ANKS1B: variants seen among roughly 807,000 people sequenced by gnomAD.
ANKS1B encodes the protein ankyrin repeat and sterile alpha motif domain-containing protein 1B.
In ANKS1B, 36 loss-of-function variants were observed where a neutral mutation model predicts 148.3. That is an observed-to-expected ratio of 0.24 (90% CI 0.19 to 0.32). The LOEUF is 0.32. Among genes scored for constraint, ANKS1B ranks in the 10% least tolerant of loss-of-function variants. ANKS1B has a pLI of 1.00. For missense variants in ANKS1B, 1,157 were observed against 1,542.6 expected, an observed-to-expected ratio of 0.75 and a Z score of 4.19; for synonymous variants, 542 against 560.8, an observed-to-expected ratio of 0.97 and a Z score of 0.47.
intron 10 of ANKS1B, among the ~76,000 whole-genome samples, chr12:99,473,817 G>A (rs564997031): frequency 6.6e-6 from 1 of 152,060 alleles, no homozygotes; most frequent in Non-Finnish European, 1.5e-5. Context: ...TTCTCAGTAT[G>A]TGCATTATAA....
intron 1 of ANKS1B, among the ~76,000 whole-genome samples, chr12:99,980,646 G>A (rs1302098893): frequency 6.6e-6 from 1 of 152,020 alleles, no homozygotes; most frequent in East Asian, 1.9e-4. Context: ...GAAAGAGAGA[G>A]TAGAGAAAAG....
intron 10 of ANKS1B, among the ~76,000 whole-genome samples, chr12:99,501,282 T>C (rs1276031463): frequency 6.6e-6 from 1 of 152,172 alleles, no homozygotes; most frequent in African/African-American, 2.4e-5. Flanking sequence ...TGGGTTTTCT[T>C]TCCCTATAGG....
At chr12:99,390,263 T>C (rs933722307) in intron 12 of ANKS1B, among the ~76,000 whole-genome samples, 7 of 152,240 alleles carry the variant, frequency 4.6e-5, no homozygotes, top group African/African-American at 1.7e-4. Flanking sequence ...GAACTTGATA[T>C]ATTTCCATCT....
At chr12:99,818,587 A>C (rs1354859566) in intron 2 of ANKS1B, among the ~76,000 whole-genome samples, 2 of 151,848 alleles carry the variant, frequency 1.3e-5, no homozygotes. Context: ...GCATTTGACA[A>C]ATAACAAATA....
rs545595038 is a variant in ANKS1B, at chr12:99,961,957, G to C, written c.134+22147C>G. On this transcript the variant is annotated intron_variant, in intron 1 of 26. Coordinates refer to ENST00000683438, the MANE Select transcript of ANKS1B (RefSeq NM_001352186.2). ...TGTGAAAAGGTCCTACGTTATTAGAGGTATTGATAAGAAAACAAGATGTTA... is the reference window on the plus strand; with the variant it reads ...TGTGAAAAGGTCCTACGTTATTAGACGTATTGATAAGAAAACAAGATGTTA... Among the ~76,000 whole-genome samples the C allele has an allele frequency of 3.9e-5, 6 of 152,248 alleles. No homozygotes were observed. The South Asian group carries it at 1.2e-3, about 32-fold the overall frequency.
At chr12:99,556,012 C>T (rs1331008880) in intron 9 of ANKS1B, among the ~76,000 whole-genome samples, 4 of 152,152 alleles carry the variant, frequency 2.6e-5, no homozygotes, top group East Asian at 1.9e-4. Flanking sequence ...GGAATGGTAG[C>T]AGCTCTTCCT....
At chr12:99,641,994 A>T (rs1237673958) in intron 9 of ANKS1B, among the ~76,000 whole-genome samples, 1 of 152,218 alleles carries the variant, frequency 6.6e-6, no homozygotes, top group Non-Finnish European at 1.5e-5. Flanking sequence ...GTGAAATATA[A>T]GTGAGACAAG....
chr12:98,783,153 C>T (rs142538691), intron 22 of ANKS1B, among the ~76,000 whole-genome samples: 26 of 152,372 alleles, frequency 1.7e-4, no homozygotes, highest in African/African-American at 6.0e-4. Context: ...AAGCAATATA[C>T]AGCTAATATT....
chr12:99,552,947 A>AT (rs1437982635), intron 9 of ANKS1B, among the ~76,000 whole-genome samples: 6 of 152,096 alleles, frequency 3.9e-5, no homozygotes, highest in Non-Finnish European at 8.8e-5. Context: ...ACAACCATCT[A>AT]TTTTTTTCCA....
intron 1 of ANKS1B, among the ~76,000 whole-genome samples, chr12:99,937,018 A>G (rs1336324978): frequency 6.6e-6 from 1 of 152,202 alleles, no homozygotes; most frequent in Admixed American, 6.5e-5. Context: ...ACATATGGAT[A>G]CAGTATGGGA....
intron 15 of ANKS1B, chr12:99,097,089 A>G (rs952170888): frequency 6.6e-6 from 1 of 152,216 alleles, no homozygotes; most frequent in Non-Finnish European, 1.5e-5. Flanking sequence ...CTAAGTGTTG[A>G]ATAAAATAAA....
intron 14 of ANKS1B, among the ~76,000 whole-genome samples, chr12:99,168,479 A>T (rs181449826): frequency 6.6e-6 from 1 of 151,734 alleles, no homozygotes; most frequent in East Asian, 1.9e-4. Flanking sequence ...AGATAGTGCC[A>T]TTGCACTCCA....
intron 1 of ANKS1B, among the ~76,000 whole-genome samples, chr12:99,913,035 G>T (rs1023890698): frequency 1.3e-5 from 2 of 152,050 alleles, no homozygotes; most frequent in African/African-American, 4.8e-5. Flanking sequence ...CCACAAATTT[G>T]CCAGCTATTA....
chr12:99,136,338 G>A (rs558151687), intron 15 of ANKS1B, among the ~76,000 whole-genome samples: 1 of 152,300 alleles, frequency 6.6e-6, no homozygotes, highest in African/African-American at 2.4e-5. Flanking sequence ...CCACCATACA[G>A]TACAGATTTC....
intron 17 of ANKS1B, among the ~76,000 whole-genome samples, chr12:99,001,711 T>A (rs1359142134): frequency 1.3e-5 from 2 of 152,180 alleles, no homozygotes; most frequent in Non-Finnish European, 2.9e-5. Flanking sequence ...CAGTATGGTA[T>A]TATTAACCGT....
chr12:99,434,481 C>T (rs907939912), intron 11 of ANKS1B, among the ~76,000 whole-genome samples: 1 of 151,986 alleles, frequency 6.6e-6, no homozygotes, highest in African/African-American at 2.4e-5. Context: ...TACTAATAGG[C>T]ATTAAGGTTT....
chr12:99,606,144 T>C (rs1315320376), intron 9 of ANKS1B, among the ~76,000 whole-genome samples: 2 of 152,098 alleles, frequency 1.3e-5, no homozygotes, highest in Non-Finnish European at 2.9e-5. Context: ...CTTTGAGAAA[T>C]GTCTATTCAG....
At chr12:98,763,561 A>G (rs2098440771) in intron 25 of ANKS1B, among the ~76,000 whole-genome samples, 1 of 152,238 alleles carries the variant, frequency 6.6e-6, no homozygotes, top group Admixed American at 6.5e-5. Flanking sequence ...TGAAAATACT[A>G]AGAATAAAGG....
At chr12:99,921,986 T>C (rs982132313) in intron 1 of ANKS1B, among the ~76,000 whole-genome samples, 7 of 151,974 alleles carry the variant, frequency 4.6e-5, no homozygotes, top group Non-Finnish European at 1.0e-4. Context: ...CATCCTAGAG[T>C]CAAGTTACCT....
Sources: allele counts gnomAD v4.1 joint callset (sites outside exome capture counted in the v4.1 genomes callset), GRCh38; gene constraint gnomAD v4.1.1; transcripts MANE v1.5; gene names NCBI Gene and HGNC (gene_info 2026-07-23, HGNC 2026-07-21).